The following AASDH variants were observed in gnomAD, a reference collection of about 807,000 sequenced individuals.
AASDH encodes the protein beta-alanine-activating enzyme.
In AASDH, 81 loss-of-function variants were observed where a neutral mutation model predicts 102.3. That is an observed-to-expected ratio of 0.79 (90% CI 0.66 to 0.95). The LOEUF is 0.95. Among genes scored for constraint, AASDH ranks in the 40% least tolerant of loss-of-function variants. AASDH has a pLI of 0.00. For synonymous variants in AASDH, 398 were observed against 454.0 expected (o/e 0.88, Z 1.57); for missense variants, 1,203 against 1,266.2 (o/e 0.95, Z 0.76).
chr4:56,366,638 G>C (rs1227949250), intron 5 of AASDH, among the ~76,000 whole-genome samples: 2 of 151,770 alleles, frequency 1.3e-5, no homozygotes, highest in African/African-American at 4.8e-5. Context: ...TATCTCAATA[G>C]ATGCAGAAAA....
intron 2 of AASDH, among the ~76,000 whole-genome samples, 163 bp downstream of exon 2, chr4:56,383,907 A>G (rs977020285): frequency 4.6e-5 from 4 of 87,296 alleles, no homozygotes; most frequent in Non-Finnish European, 9.5e-5. Context: ...TAAATAATAT[A>G]AAAATAATAC....
intron 4 of AASDH, 26 bp from the exon 5 acceptor site, chr4:56,371,669 G>A (rs760012311): frequency 1.9e-6 from 3 of 1,575,300 alleles, no homozygotes; most frequent in South Asian, 2.4e-5. Flanking sequence ...ATGCAGTTAT[G>A]AGAAACGTCA....
chr4:56,340,290 G>A (rs968790359), intron 14 of AASDH, among the ~76,000 whole-genome samples: 6 of 152,138 alleles, frequency 3.9e-5, no homozygotes, highest in African/African-American at 1.4e-4. Context: ...TCAAAATAAG[G>A]CTAATTTAGC....
At position 56,382,583 on chromosome 4, in the gene AASDH, G is replaced by A. The variant is rs377745728; in HGVS notation, c.245C>T (p.Pro82Leu). ...PSWILGILQV[P>L]AAYVPIEPDS... ...TGGCTCGATAGGTACATAAGCAGCC[G>A]GGACTTGGAGAATTCTAAAGAAAAA... The change falls in exon 3 of 15, where the codon CCG (proline) becomes CTG (leucine). Residue 82 changes from proline (P) to leucine (L), a missense_variant. By Grantham distance (98) the Pro-to-Leu change is moderately conservative. Transcript: ENST00000205214. The A allele has an allele frequency of 2.4e-5, 38 of 1,606,798 alleles. No homozygotes were observed. Among genetic ancestry groups the A allele is most frequent in the Non-Finnish European group, 2.8e-5 (33 of 1,178,138 alleles).
rs1043242786 is a variant in AASDH, at chr4:56,371,526, T to C, written c.786A>G (p.Val262=). ...ATGGGAGCAACTTGACGGAAGTTGGTACAATAAGCAGAGAGGCACCACTTG... is the reference window on the plus strand; with the variant it reads ...ATGGGAGCAACTTGACGGAAGTTGGCACAATAAGCAGAGAGGCACCACTTG... The part of the protein sequence containing the change: ...ALSSGASLLI[V]PTSVKLLPSK... The change falls in exon 5 of 15, where the codon GTA becomes GTG. Residue 262 remains valine (V), a synonymous_variant. Transcript: ENST00000205214. The C allele has an allele frequency of 4.3e-6, 7 of 1,613,138 alleles. No homozygotes were observed. The highest frequency in any genetic ancestry group is 3.4e-6 in the Non-Finnish European group (4 of 1,179,928).
intron 5 of AASDH, among the ~76,000 whole-genome samples, chr4:56,358,883 A>C (rs6812222): frequency 0.36 from 54,439 of 152,004 alleles, 10,250 homozygotes; most frequent in Non-Finnish European, 0.43. Context: ...CTAGTTTTTC[A>C]ATCAATTATT....
chr4:56,386,424 T>C (rs1037446765), intron 1 of AASDH, among the ~76,000 whole-genome samples: 1 of 152,226 alleles, frequency 6.6e-6, no homozygotes, highest in African/African-American at 2.4e-5. Flanking sequence ...TTCATTTTCA[T>C]TCATTGAATC....
chr4:56,381,758 C>T (rs570277941), intron 3 of AASDH: 1 of 151,404 alleles, frequency 6.6e-6, no homozygotes, highest in African/African-American at 2.4e-5. Context: ...CAAAAACAGG[C>T]TAAATTGAAT....
At chr4:56,361,349 C>T (rs1215459056) in intron 5 of AASDH, among the ~76,000 whole-genome samples, 1 of 151,890 alleles carries the variant, frequency 6.6e-6, no homozygotes, top group African/African-American at 2.4e-5. Flanking sequence ...GTGGAGGTTG[C>T]GGTGAGCTGA....
chr4:56,362,243 G>C (rs1029144669), intron 5 of AASDH, among the ~76,000 whole-genome samples: 5 of 151,872 alleles, frequency 3.3e-5, no homozygotes, highest in African/African-American at 4.8e-5. Flanking sequence ...AGTAGTATGT[G>C]TTTTGACAGC....
In AASDH at chr4:56,384,354, A is replaced by G. The variant is rs1412613608; in HGVS notation, c.-42-13T>C. ...GTAGCACAGAACCCTGTGTATATAC[A>G]GAAGTGTTAGGGGGAGAGGGAGTTT... On this transcript the variant is annotated splice_polypyrimidine_tract_variant and intron_variant, in intron 1 of 14. Coordinates refer to ENST00000205214, the MANE Select transcript of AASDH (RefSeq NM_181806.4). The G allele has an allele frequency of 1.0e-5, 16 of 1,528,670 alleles. No homozygotes were observed. The highest frequency in any genetic ancestry group is 1.4e-5 in the African/African-American group (1 of 73,170). 94.7% of individuals were successfully genotyped at this position (1,528,670 alleles called of 1,614,324 possible). A position where few individuals can be genotyped will look rare whatever the true frequency, so the allele number is the denominator to read the frequency against.
intron 14 of AASDH, among the ~76,000 whole-genome samples, chr4:56,342,330 T>C (rs1747800238): frequency 6.6e-6 from 1 of 152,036 alleles, no homozygotes; most frequent in Non-Finnish European, 1.5e-5. Flanking sequence ...TAATAAGTAC[T>C]CAAGGTGATG....
At chr4:56,349,138 C>T (rs1028128391) in intron 11 of AASDH, 125 bp downstream of exon 11, 1 of 1,019,328 alleles carries the variant, frequency 9.8e-7, no homozygotes, top group Non-Finnish European at 1.4e-6. Flanking sequence ...ACAGGGTTAA[C>T]TATAATTTTT....
chr4:56,359,627 T>C (rs551826783), intron 5 of AASDH, among the ~76,000 whole-genome samples: 3 of 148,986 alleles, frequency 2.0e-5, no homozygotes, highest in Non-Finnish European at 3.0e-5. Context: ...GGCACAATCT[T>C]GGCTCACTGC....
chr4:56,360,418 C>T (rs1026309595), intron 5 of AASDH, among the ~76,000 whole-genome samples: 10 of 152,186 alleles, frequency 6.6e-5, no homozygotes, highest in Admixed American at 5.9e-4. Flanking sequence ...GCATTACTGA[C>T]TATTACAAAT....
chr4:56,345,775 C>T (rs574428321), intron 11 of AASDH, among the ~76,000 whole-genome samples: 21 of 152,262 alleles, frequency 1.4e-4, no homozygotes, highest in South Asian at 8.3e-4. Flanking sequence ...GAAGTGCTAA[C>T]GTTAATAGTC....
chr4:56,365,202 C>A (rs1750838379), intron 5 of AASDH, among the ~76,000 whole-genome samples: 1 of 152,068 alleles, frequency 6.6e-6, no homozygotes, highest in Admixed American at 6.5e-5. Context: ...AATACAGGAG[C>A]ACCCAGATTC....
chr4:56,365,461 A>G (rs1750881029), intron 5 of AASDH, among the ~76,000 whole-genome samples: 1 of 152,102 alleles, frequency 6.6e-6, no homozygotes. Context: ...CTGACCAAAT[A>G]GTTGGAAGTA....
rs752901674 is a variant in AASDH, at chr4:56,355,230, C to G, written c.1055G>C (p.Trp352Ser). The change falls in exon 6 of 15, where the codon TGG becomes TCG. Residue 352 changes from tryptophan (W) to serine (S), a missense_variant. Trp to Ser is a radical substitution (Grantham distance 177, BLOSUM62 -3). Coordinates refer to ENST00000205214, the MANE Select transcript of AASDH (RefSeq NM_181806.4). ...NVYGITEVSSWATIYRIPEKT... is the reference protein window; with the variant it reads ...NVYGITEVSSSATIYRIPEKT... ...CTCTGGAATCCTATAAATGGTCGCC[C>G]AACTTGATACCTCTGTGATACCATA... The G allele has an allele frequency of 6.2e-7, 1 of 1,613,928 alleles. No homozygotes were observed. Among genetic ancestry groups the G allele is most frequent in the South Asian group, 1.1e-5 (1 of 91,082 alleles).
Sources: allele counts gnomAD v4.1 joint callset (sites outside exome capture counted in the v4.1 genomes callset), GRCh38; gene constraint gnomAD v4.1.1; transcripts MANE v1.5; gene names NCBI Gene and HGNC (gene_info 2026-07-23, HGNC 2026-07-21).